The following FGF12 variants were observed in gnomAD, a reference collection of about 807,000 sequenced individuals.
The protein encoded by FGF12 is fibroblast growth factor 12B.
A neutral mutation model predicts 23.6 loss-of-function variants in FGF12; 14 were observed. The observed-to-expected ratio is 0.59, with a 90% CI of 0.39 to 0.93. FGF12 has a LOEUF of 0.93. Among genes scored for constraint, FGF12 ranks in the 40% least tolerant of loss-of-function variants. The probability of loss-of-function intolerance (pLI) is 0.00; values close to 1 mark genes in which losing one functional copy is unlikely to be tolerated. For missense variants in FGF12, 175 were observed against 217.8 expected (o/e 0.80, Z 1.24); for synonymous variants, 62 against 77.3 (o/e 0.80, Z 1.04).
At chr3:192,662,590 T>C (rs1716713354) in intron 2 of FGF12, among the ~76,000 whole-genome samples, 2 of 152,164 alleles carry the variant, frequency 1.3e-5, no homozygotes, top group African/African-American at 4.8e-5. Context: ...ATAGACTCTT[T>C]TAAATACAGC....
chr3:192,509,474 G>A (rs1724406337), intron 2 of FGF12, among the ~76,000 whole-genome samples: 1 of 152,230 alleles, frequency 6.6e-6, no homozygotes. Context: ...AGGCAATGGA[G>A]ATAACTCTTC....
chr3:192,586,212 T>A (rs1713368782), intron 2 of FGF12, among the ~76,000 whole-genome samples: 2 of 152,042 alleles, frequency 1.3e-5, no homozygotes, highest in Admixed American at 1.3e-4. Context: ...AGCAGGTAAA[T>A]CACATCTCCT....
chr3:192,570,971 C>T (rs528616651), intron 2 of FGF12, among the ~76,000 whole-genome samples: 16 of 152,212 alleles, frequency 1.1e-4, no homozygotes, highest in African/African-American at 3.9e-4. Context: ...GGGAAACAGA[C>T]GGGGAGTTCT....
At chr3:192,551,641 T>A (rs1711533988) in intron 2 of FGF12, among the ~76,000 whole-genome samples, 1 of 152,032 alleles carries the variant, frequency 6.6e-6, no homozygotes, top group Admixed American at 6.6e-5. Context: ...ATAATGGCCA[T>A]GCCATAGAAC....
chr3:192,580,547 C>T (rs968979066), intron 2 of FGF12, among the ~76,000 whole-genome samples: 2 of 152,042 alleles, frequency 1.3e-5, no homozygotes, highest in Admixed American at 6.5e-5. Flanking sequence ...GGTCTATGTC[C>T]CACATGTGGG....
chr3:192,324,604 A>C (rs1287924695), intron 4 of FGF12, among the ~76,000 whole-genome samples: 1 of 152,200 alleles, frequency 6.6e-6, no homozygotes, highest in African/African-American at 2.4e-5. Flanking sequence ...AAGTTAAAAA[A>C]CTTTCCAATT....
chr3:192,472,305 C>T (rs1450066068), intron 2 of FGF12, among the ~76,000 whole-genome samples: 2 of 152,134 alleles, frequency 1.3e-5, no homozygotes, highest in East Asian at 1.9e-4. Context: ...CATAAGCCAC[C>T]GCACCCAGCC....
chr3:192,327,149 G>A lies in FGF12; in HGVS notation c.228+8212C>T, dbSNP rs78000412. Among the ~76,000 whole-genome samples the A allele has an allele frequency of 4.1e-3, 631 of 152,160 alleles. 14 individuals carry two copies. Among genetic ancestry groups the A allele is most frequent in the South Asian group, 0.039 (187 of 4,822 alleles). ...CCTCAGCTCTTCATCAATATCTACTGGTTCATTTCCATCCCTCCTCACAGA... is the reference window on the plus strand; with the variant it reads ...CCTCAGCTCTTCATCAATATCTACTAGTTCATTTCCATCCCTCCTCACAGA... On this transcript the variant is annotated intron_variant, in intron 4 of 5. Coordinates refer to ENST00000445105, the MANE Select transcript of FGF12 (RefSeq NM_004113.6).
At chr3:192,629,122 G>A (rs1715292429) in intron 2 of FGF12, among the ~76,000 whole-genome samples, 2 of 152,138 alleles carry the variant, frequency 1.3e-5, no homozygotes, top group Admixed American at 1.3e-4. Flanking sequence ...TTAGAATCTA[G>A]GAAGAATCTG....
intron 2 of FGF12, among the ~76,000 whole-genome samples, chr3:192,719,048 G>A (rs1033785829): frequency 2.0e-5 from 3 of 151,572 alleles, no homozygotes; most frequent in Admixed American, 6.6e-5. Context: ...ATAGAAGAAC[G>A]AGAACCTGAT....
intron 2 of FGF12, among the ~76,000 whole-genome samples, chr3:192,614,998 T>C (rs1379673468): frequency 6.6e-6 from 1 of 151,940 alleles, no homozygotes; most frequent in Admixed American, 6.6e-5. Context: ...CAGATCTATT[T>C]AATACTCCAG....
chr3:192,548,074 G>A lies in FGF12; in HGVS notation c.13+179107C>T, dbSNP rs571089815. ...CCTTTCTTAGCATACTTCAAAATGA[G>A]TAAATTGCTTCTAAGTGAGTAAATA... On this transcript the variant is annotated intron_variant, in intron 2 of 5. Coordinates refer to ENST00000445105, the MANE Select transcript of FGF12 (RefSeq NM_004113.6). Among the ~76,000 whole-genome samples, 10 of 152,218 alleles carry A rather than the reference G, an allele frequency of 6.6e-5. No homozygotes were observed. In the South Asian group the frequency reaches 2.1e-3, roughly 32 times the overall value.
intron 2 of FGF12, among the ~76,000 whole-genome samples, chr3:192,411,224 T>G (rs999478539): frequency 6.6e-6 from 1 of 152,028 alleles, no homozygotes; most frequent in African/African-American, 2.4e-5. Flanking sequence ...ATCTGTGACG[T>G]TGTTCAGATC....
At chr3:192,412,796 C>T (rs1676152569) in intron 2 of FGF12, among the ~76,000 whole-genome samples, 1 of 152,190 alleles carries the variant, frequency 6.6e-6, no homozygotes, top group Admixed American at 6.5e-5. Flanking sequence ...GTTACTCGTA[C>T]ATTTCCAATA....
chr3:192,583,836 T>C (rs1158151077), intron 2 of FGF12, among the ~76,000 whole-genome samples: 2 of 152,244 alleles, frequency 1.3e-5, no homozygotes, highest in African/African-American at 2.4e-5. Flanking sequence ...GGGCTGCTTC[T>C]GAAATGATCG....
At chr3:192,301,065 A>T (rs1179768449) in intron 4 of FGF12, among the ~76,000 whole-genome samples, 2 of 152,192 alleles carry the variant, frequency 1.3e-5, no homozygotes, top group African/African-American at 4.8e-5. Context: ...TAGCAAATGC[A>T]TGGGACAAAG....
chr3:192,204,068 C>A (rs1717517016), intron 4 of FGF12, among the ~76,000 whole-genome samples: 1 of 152,002 alleles, frequency 6.6e-6, no homozygotes, highest in Non-Finnish European at 1.5e-5. Flanking sequence ...GTGATTTGAT[C>A]CAACCAATGA....
chr3:192,467,072 TG>T (rs1723032456), intron 2 of FGF12, among the ~76,000 whole-genome samples: 1 of 152,250 alleles, frequency 6.6e-6, no homozygotes. Flanking sequence ...CTTAATTGTT[TG>T]TAACATCTGC....
At chr3:192,568,558 G>A (rs963154498) in intron 2 of FGF12, among the ~76,000 whole-genome samples, 5 of 152,146 alleles carry the variant, frequency 3.3e-5, no homozygotes, top group Non-Finnish European at 7.4e-5. Flanking sequence ...TGAACAGTAA[G>A]GCTTCAGAGA....
Sources: allele counts gnomAD v4.1 joint callset (sites outside exome capture counted in the v4.1 genomes callset), GRCh38; gene constraint gnomAD v4.1.1; transcripts MANE v1.5; gene names NCBI Gene and HGNC (gene_info 2026-07-23, HGNC 2026-07-21).